Variants in TMEM131 observed in about 807,000 individuals in gnomAD.
TMEM131 encodes 2610524E03Rik.
In TMEM131, 66 loss-of-function variants were observed where a neutral mutation model predicts 211.6. The observed-to-expected ratio is 0.31, with a 90% CI of 0.26 to 0.38. TMEM131 has a LOEUF of 0.38. TMEM131 is among the 10% of genes least tolerant of loss of function. TMEM131 has a pLI of 1.00. For synonymous variants in TMEM131, 844 were observed against 841.3 expected (o/e 1.00, Z -0.06); for missense variants, 2,036 against 2,299.3 (o/e 0.89, Z 2.34).
chr2:97,788,461 G>C (rs1680350463), intron 31 of TMEM131, among the ~76,000 whole-genome samples: 5 of 152,096 alleles, frequency 3.3e-5, no homozygotes, highest in Admixed American at 2.0e-4. Flanking sequence ...GCCTCAAGTT[G>C]ACTCCTCAAG....
Position 97,995,424 on chromosome 2 carries a change from G to C in TMEM131, c.187+52C>G, listed in dbSNP as rs890649518. The C allele has an allele frequency of 1.4e-5, 19 of 1,310,564 alleles. No homozygotes were observed. In the African/African-American group the frequency reaches 2.8e-4, roughly 19 times the overall value. The allele number at this position is 1,310,564 out of a possible 1,614,324, so 81.2% of individuals were successfully genotyped here. On this transcript the variant is annotated intron_variant, in intron 1 of 40. Transcript: ENST00000186436. Reference sequence around the variant, plus strand: ...TCCCGGCCCAGCCCTCCCGGCCTCCGCGAGAGCGGGGTGACAGCCCCGCCG... The same window carrying C: ...TCCCGGCCCAGCCCTCCCGGCCTCCCCGAGAGCGGGGTGACAGCCCCGCCG...
At chr2:97,952,302 G>C (rs976542555) in intron 1 of TMEM131, among the ~76,000 whole-genome samples, 1 of 152,080 alleles carries the variant, frequency 6.6e-6, no homozygotes, top group African/African-American at 2.4e-5. Flanking sequence ...CGCTGAGGGA[G>C]GATTTGAAAA....
intron 4 of TMEM131, among the ~76,000 whole-genome samples, chr2:97,879,927 C>T (rs1370705075): frequency 1.3e-5 from 2 of 152,044 alleles, no homozygotes; most frequent in East Asian, 3.8e-4. Flanking sequence ...GTGGGGAGTC[C>T]GTGCCCCTAA....
chr2:97,787,990 CTCTA>C (rs1680329302), intron 31 of TMEM131, among the ~76,000 whole-genome samples: 1 of 152,200 alleles, frequency 6.6e-6, no homozygotes, highest in Middle Eastern at 3.2e-3. Context: ...CATCCATGTT[CTCTA>C]TCTGTGAGGT....
chr2:97,785,219 T>A (rs1680191168), intron 31 of TMEM131, among the ~76,000 whole-genome samples: 2 of 152,006 alleles, frequency 1.3e-5, no homozygotes, highest in African/African-American at 4.8e-5. Context: ...TATAAAAGGA[T>A]AAAAAGACAC....
intron 2 of TMEM131, among the ~76,000 whole-genome samples, chr2:97,923,754 T>C (rs1444173884): frequency 2.0e-5 from 3 of 150,510 alleles, no homozygotes; most frequent in African/African-American, 7.3e-5. Context: ...GTGAAAAAAA[T>C]ACAGAGCTAG....
intron 31 of TMEM131, among the ~76,000 whole-genome samples, chr2:97,786,965 A>G (rs1680280411): frequency 6.6e-6 from 1 of 152,210 alleles, no homozygotes; most frequent in African/African-American, 2.4e-5. Context: ...TTCCTCAACC[A>G]TAACTGCCAG....
At chr2:97,841,785 G>A (rs1176681666) in intron 7 of TMEM131, 30 bp downstream of exon 7, 3 of 1,542,458 alleles carry the variant, frequency 1.9e-6, no homozygotes, top group Non-Finnish European at 2.6e-6. Context: ...CCAAAATGAA[G>A]CTTATTCAAA....
At chr2:97,963,061 A>C (rs1678892679) in intron 1 of TMEM131, among the ~76,000 whole-genome samples, 1 of 152,224 alleles carries the variant, frequency 6.6e-6, no homozygotes, top group Non-Finnish European at 1.5e-5. Context: ...GAGATGATGG[A>C]AATGTCCTAC....
At chr2:97,963,307 TTCTG>T (rs1275731298) in intron 1 of TMEM131, among the ~76,000 whole-genome samples, 1 of 146,104 alleles carries the variant, frequency 6.8e-6, no homozygotes, top group African/African-American at 2.8e-5. Context: ...GTCACCTCAT[TTCTG>T]TCTTTTATTA....
chr2:97,832,444 G>C (rs1682746807), intron 11 of TMEM131, among the ~76,000 whole-genome samples: 2 of 152,200 alleles, frequency 1.3e-5, no homozygotes, highest in East Asian at 1.9e-4. Flanking sequence ...CCACTAGTGA[G>C]GAAGGTCACT....
intron 1 of TMEM131, among the ~76,000 whole-genome samples, chr2:97,957,424 C>T (rs576117420): frequency 2.6e-5 from 4 of 152,004 alleles, no homozygotes; most frequent in Admixed American, 2.6e-4. Flanking sequence ...TATTTTTCCC[C>T]CTCTAGTAAC....
At chr2:97,855,750 C>A (rs899938065) in intron 5 of TMEM131, among the ~76,000 whole-genome samples, 1 of 151,306 alleles carries the variant, frequency 6.6e-6, no homozygotes, top group Non-Finnish European at 1.5e-5. Context: ...GCTTTTCTTA[C>A]ATATTAGCAT....
At chr2:97,957,478 T>C (rs948493125) in intron 1 of TMEM131, among the ~76,000 whole-genome samples, 2 of 152,186 alleles carry the variant, frequency 1.3e-5, no homozygotes, top group Admixed American at 1.3e-4. Flanking sequence ...CTGGCTTGCT[T>C]TGAAATTCAA....
chr2:97,947,543 G>A (rs529108035), intron 1 of TMEM131, among the ~76,000 whole-genome samples: 47 of 152,042 alleles, frequency 3.1e-4, no homozygotes, highest in Admixed American at 1.3e-3. Context: ...AAATACAGCT[G>A]GAAGAAATTA....
At chr2:97,941,614 A>T (rs1677733848) in intron 1 of TMEM131, among the ~76,000 whole-genome samples, 1 of 152,240 alleles carries the variant, frequency 6.6e-6, no homozygotes, top group African/African-American at 2.4e-5. Flanking sequence ...CAAAGAACTT[A>T]AACGAATTTA....
At chr2:97,938,523 C>A (rs1393839090) in intron 1 of TMEM131, among the ~76,000 whole-genome samples, 1 of 152,120 alleles carries the variant, frequency 6.6e-6, no homozygotes, top group Non-Finnish European at 1.5e-5. Context: ...CCCAGATTCA[C>A]AAAACAAGCC....
intron 1 of TMEM131, among the ~76,000 whole-genome samples, chr2:97,936,361 C>T (rs1677445979): frequency 6.6e-6 from 1 of 152,170 alleles, no homozygotes; most frequent in Non-Finnish European, 1.5e-5. Context: ...TCAGAAGAAA[C>T]CTGAGACATC....
intron 3 of TMEM131, among the ~76,000 whole-genome samples, chr2:97,898,999 C>G (rs1675736194): frequency 6.6e-6 from 1 of 151,990 alleles, no homozygotes; most frequent in Non-Finnish European, 1.5e-5. Flanking sequence ...TGCTGATTTT[C>G]CATCTATTTT....
Sources: gnomAD v4.1 joint callset for allele counts (sites outside exome capture counted in the v4.1 genomes callset) on GRCh38, gnomAD v4.1.1 for gene constraint, MANE v1.5 for transcripts, NCBI Gene and HGNC (gene_info 2026-07-23, HGNC 2026-07-21) for gene names.